TRPM7: variants seen among roughly 807,000 people sequenced by gnomAD.
TRPM7 encodes the protein transient receptor potential cation channel subfamily M member 7.
TRPM7 carries 134 observed loss-of-function variants against 229.7 expected under a neutral mutation model. That is an observed-to-expected ratio of 0.58 (90% confidence interval 0.51 to 0.67). The LOEUF (loss-of-function observed/expected upper bound fraction) is 0.67, where lower values mean the gene tolerates loss of function less well. Ranked by LOEUF, TRPM7 falls within the 30% of genes least tolerant of loss-of-function variation. TRPM7 has a pLI of 0.00. For missense variants in TRPM7, 1,901 were observed against 2,210.0 expected, an observed-to-expected ratio of 0.86 and a Z score of 2.80; for synonymous variants, 699 against 715.2, an observed-to-expected ratio of 0.98 and a Z score of 0.36.
chr15:50,679,474 T>TTA (rs35739823), intron 1 of TRPM7, among the ~76,000 whole-genome samples: 52 of 121,228 alleles, frequency 4.3e-4, no homozygotes, highest in South Asian at 7.0e-4. Flanking sequence ...TTTATTTCAT[T>TTA]TATATATATA....
At chr15:50,678,632 T>C in intron 1 of TRPM7, among the ~76,000 whole-genome samples, 1 of 151,458 alleles carries the variant, frequency 6.6e-6, no homozygotes, top group South Asian at 2.1e-4. Flanking sequence ...TAATTAATAA[T>C]TAGATATTAC....
chr15:50,563,768 C>T lies in TRPM7; in HGVS notation c.5468-1960G>A, dbSNP rs1352659550. Among the ~76,000 whole-genome samples, 7 of 152,294 alleles carry T rather than the reference C, an allele frequency of 4.6e-5. No individual in the cohort carries two copies. The East Asian group carries it at 1.3e-3, about 29-fold the overall frequency. On this transcript the variant is annotated intron_variant, in intron 38 of 38. Coordinates refer to ENST00000646667, the MANE Select transcript of TRPM7 (RefSeq NM_017672.6). ...GGCCACATGCAACCCAACACAAATT[C>T]ATAAACTTTCTTAAAACATGATGGC...
intron 1 of TRPM7, 46 bp from the exon 2 acceptor site, chr15:50,663,092 A>T (rs1452976731): frequency 1.4e-6 from 2 of 1,410,908 alleles, no homozygotes; most frequent in East Asian, 4.6e-5. Flanking sequence ...TAACCCACTA[A>T]ATAAGAAGGA....
At chr15:50,619,189 T>C (rs2060316773) in intron 13 of TRPM7, among the ~76,000 whole-genome samples, 1 of 151,982 alleles carries the variant, frequency 6.6e-6, no homozygotes, top group Non-Finnish European at 1.5e-5. Flanking sequence ...TCATATTCTA[T>C]CTTGGATGAC....
chr15:50,678,239 C>CAAAAAAAAAAA (rs527874854), intron 1 of TRPM7, among the ~76,000 whole-genome samples: 1 of 92,080 alleles, frequency 1.1e-5, no homozygotes, highest in African/African-American at 3.6e-5. Context: ...GACTCTCTCT[C>CAAAAAAAAAAA]AAAAAAAAAA....
chr15:50,686,734 C>T lies in TRPM7; in HGVS notation c.-201G>A. The stretch of plus-strand genomic sequence containing the variant: ...GTCTTTCATAATTGTGCGACCAACT[C>T]CTCCGGGTGACTGGCCACAGGGACG... On this transcript the variant is annotated 5_prime_UTR_variant, in exon 1 of 39. Transcript: ENST00000646667. The T allele has an allele frequency of 1.6e-6, 1 of 640,356 alleles. No individual in the cohort carries two copies. Among genetic ancestry groups the T allele is most frequent in the Non-Finnish European group, 2.5e-6 (1 of 401,362 alleles). 39.7% of individuals were successfully genotyped at this position (640,356 alleles called of 1,614,324 possible).
chr15:50,661,191 G>T (rs2061713307), intron 2 of TRPM7, among the ~76,000 whole-genome samples: 1 of 151,918 alleles, frequency 6.6e-6, no homozygotes, highest in Non-Finnish European at 1.5e-5. Context: ...TGGCCAGGCT[G>T]GTCTCGAACT....
chr15:50,610,929 C>T lies in TRPM7; in HGVS notation c.2280+164G>A, dbSNP rs952239437. 2.6e-5 allele frequency among the ~76,000 whole-genome samples: 4 copies of T among 152,174 alleles called. No individual in the cohort carries two copies. In the South Asian group the frequency reaches 8.3e-4, roughly 32 times the overall value. ...AAAGTTAAGTAGAGGAAAAAAGAAG[C>T]CCATTATACCACTTGGGATGAAATG... On this transcript the variant is annotated intron_variant, in intron 17 of 38. Transcript: ENST00000646667.
At chr15:50,586,630 T>C (rs2059350325) in intron 27 of TRPM7, 142 bp from the exon 28 acceptor site, 7 of 503,164 alleles carry the variant, frequency 1.4e-5, no homozygotes, top group Non-Finnish European at 2.4e-5. Flanking sequence ...TATTATAGAT[T>C]ATGGTTATTT....
intron 1 of TRPM7, among the ~76,000 whole-genome samples, chr15:50,673,740 C>A (rs561905650): frequency 3.5e-4 from 54 of 152,174 alleles, no homozygotes; most frequent in African/African-American, 1.3e-3. Flanking sequence ...TATAAACATG[C>A]GTACGCAAGT....
chr15:50,669,800 G>T (rs183849191), intron 1 of TRPM7, among the ~76,000 whole-genome samples: 2 of 152,162 alleles, frequency 1.3e-5, no homozygotes, highest in East Asian at 3.9e-4. Flanking sequence ...AAAAGGGATG[G>T]CTAATGTAAA....
chr15:50,614,000 A>G, intron 14 of TRPM7, 123 bp downstream of exon 14: 2 of 1,343,882 alleles, frequency 1.5e-6, no homozygotes, highest in African/African-American at 1.5e-5. Flanking sequence ...AATTGCTCTT[A>G]GTTGAAAATG....
At chr15:50,668,423 T>C (rs62017210) in intron 1 of TRPM7, among the ~76,000 whole-genome samples, 49,736 of 152,148 alleles carry the variant, frequency 0.33, 9,919 homozygotes, top group Admixed American at 0.47. Context: ...GGACAAAATT[T>C]GGAGCATATT....
At chr15:50,582,767 T>C (rs3109891) in intron 29 of TRPM7, among the ~76,000 whole-genome samples, 53,259 of 152,030 alleles carry the variant, frequency 0.35, 10,541 homozygotes, top group Admixed American at 0.48. Flanking sequence ...TCCTGAGCTT[T>C]TTGTCTTGTC....
At chr15:50,575,631 T>C (rs1394921113) in intron 33 of TRPM7, 93 bp downstream of exon 33, 5 of 1,082,636 alleles carry the variant, frequency 4.6e-6, no homozygotes. Flanking sequence ...AATTGATACT[T>C]CTTAATGTAA....
chr15:50,652,389 G>C (rs909726563), intron 3 of TRPM7, among the ~76,000 whole-genome samples: 3 of 149,488 alleles, frequency 2.0e-5, no homozygotes, highest in Admixed American at 6.7e-5. Context: ...AAAAATCGTG[G>C]GGGAAAGCAA....
chr15:50,639,296 G>C, intron 6 of TRPM7, 128 bp downstream of exon 6: 1 of 756,752 alleles, frequency 1.3e-6, no homozygotes, highest in Non-Finnish European at 1.8e-6. Context: ...TAAACCTCAG[G>C]AAAATACCTT....
Sources: gnomAD v4.1 joint callset for allele counts (sites outside exome capture counted in the v4.1 genomes callset) on GRCh38, gnomAD v4.1.1 for gene constraint, MANE v1.5 for transcripts, NCBI Gene and HGNC (gene_info 2026-07-23, HGNC 2026-07-21) for gene names.